The following C12orf42 variants were observed in gnomAD, a reference collection of about 807,000 sequenced individuals.
The protein encoded by C12orf42 is uncharacterized protein C12orf42.
A neutral mutation model predicts 21.6 loss-of-function variants in C12orf42; 25 were observed. The ratio of observed to expected loss-of-function variants is 1.16; its 90% CI spans 0.84 to 1.62. The LOEUF (loss-of-function observed/expected upper bound fraction) is 1.62, where lower values mean the gene tolerates loss of function less well. Among genes scored for constraint, C12orf42 ranks in the 40% most tolerant of loss-of-function variants. The pLI, the probability that C12orf42 is intolerant of heterozygous loss-of-function variation, is 0.00. For synonymous variants in C12orf42, 174 were observed against 175.0 expected, an observed-to-expected ratio of 0.99 and a Z score of 0.05; for missense variants, 483 against 459.3, an observed-to-expected ratio of 1.05 and a Z score of -0.47.
At chr12:103,369,092 A>C in intron 3 of C12orf42, 94 bp from the exon 4 acceptor site, 1 of 554,260 alleles carries the variant, frequency 1.8e-6, no homozygotes, top group Non-Finnish European at 3.2e-6. Flanking sequence ...CCCTAAAGTG[A>C]GTGACATTTT....
At chr12:103,340,697 A>G (rs1053886878) in intron 4 of C12orf42, among the ~76,000 whole-genome samples, 2 of 152,194 alleles carry the variant, frequency 1.3e-5, no homozygotes, top group African/African-American at 4.8e-5. Flanking sequence ...TTAAGTAGAG[A>G]CAGAAAGACC....
the C12orf42 span, among the ~76,000 whole-genome samples, chr12:103,069,272 T>A: frequency 6.6e-6 from 1 of 151,872 alleles, no homozygotes; most frequent in South Asian, 2.1e-4. Flanking sequence ...GCAATATATT[T>A]CCTTGGATAT....
chr12:103,330,123 T>G (rs1352432222), intron 4 of C12orf42, among the ~76,000 whole-genome samples: 3 of 152,122 alleles, frequency 2.0e-5, no homozygotes, highest in African/African-American at 7.2e-5. Flanking sequence ...TCACATAATT[T>G]TATAATATCT....
downstream of C12orf42, chr12:103,268,275 G>A (rs890416399): frequency 1.3e-5 from 2 of 151,812 alleles, no homozygotes; most frequent in Non-Finnish European, 2.9e-5. Context: ...TAGATCATGA[G>A]CATCCTGAAG....
chr12:103,502,209 C>T, the C12orf42 span, among the ~76,000 whole-genome samples: 2 of 152,176 alleles, frequency 1.3e-5, no homozygotes, highest in African/African-American at 4.8e-5. Flanking sequence ...AAACACTCCA[C>T]CCTCCACCCC....
chr12:103,147,493 C>CTTTTTTTTTT, the C12orf42 span, among the ~76,000 whole-genome samples: 1 of 84,990 alleles, frequency 1.2e-5, no homozygotes, highest in African/African-American at 5.4e-5. Flanking sequence ...TTCTTTTTTT[C>CTTTTTTTTTT]TTTTTTTTTC....
At chr12:103,414,438 G>C (rs140955499) in intron 2 of C12orf42, among the ~76,000 whole-genome samples, 30 of 152,120 alleles carry the variant, frequency 2.0e-4, no homozygotes, top group African/African-American at 7.0e-4. Flanking sequence ...GAATAACATT[G>C]GTAGTTTGAT....
intron 4 of C12orf42, among the ~76,000 whole-genome samples, chr12:103,310,693 C>T (rs1593376125): frequency 6.6e-6 from 1 of 152,202 alleles, no homozygotes; most frequent in African/African-American, 2.4e-5. Flanking sequence ...ACCCTGTGTG[C>T]AAGCACATTT....
chr12:103,140,079 G>A, the C12orf42 span, among the ~76,000 whole-genome samples: 1 of 152,176 alleles, frequency 6.6e-6, no homozygotes, highest in Non-Finnish European at 1.5e-5. Context: ...CAGGGCCTCA[G>A]GAATCAAATC....
At chr12:103,405,216 G>A (rs2048332953) in intron 2 of C12orf42, among the ~76,000 whole-genome samples, 1 of 152,174 alleles carries the variant, frequency 6.6e-6, no homozygotes, top group Non-Finnish European at 1.5e-5. Flanking sequence ...CTGAACTGGT[G>A]ATAAAACAAA....
At chr12:103,298,023 C>G (rs930326763), downstream of C12orf42, among the ~76,000 whole-genome samples, 12 of 151,836 alleles carry the variant, frequency 7.9e-5, no homozygotes, top group African/African-American at 2.7e-4. Flanking sequence ...AAACTGGAAG[C>G]ATTCCCTTTG....
At chr12:103,064,664 C>T in the C12orf42 span, among the ~76,000 whole-genome samples, 1 of 152,244 alleles carries the variant, frequency 6.6e-6, no homozygotes. Context: ...CCCCACTACA[C>T]TGCCAACAAT....
At chr12:103,079,950 G>A in the C12orf42 span, among the ~76,000 whole-genome samples, 1 of 152,182 alleles carries the variant, frequency 6.6e-6, no homozygotes, top group Non-Finnish European at 1.5e-5. Context: ...TAAGAATATA[G>A]TCTATTCCAT....
chr12:103,315,239 A>G (rs910350042), intron 4 of C12orf42, among the ~76,000 whole-genome samples: 3 of 152,204 alleles, frequency 2.0e-5, no homozygotes, highest in African/African-American at 7.2e-5. Flanking sequence ...CAAAGCAAGC[A>G]TAAGAACCAA....
At chr12:103,069,572 GT>G in the C12orf42 span, among the ~76,000 whole-genome samples, 2 of 152,068 alleles carry the variant, frequency 1.3e-5, no homozygotes, top group Non-Finnish European at 2.9e-5. Flanking sequence ...GAGCAAAATG[GT>G]TTTATGGATA....
the C12orf42 span, among the ~76,000 whole-genome samples, chr12:103,057,104 T>C: frequency 1.3e-5 from 2 of 152,170 alleles, no homozygotes; most frequent in African/African-American, 4.8e-5. Context: ...TCTGAGACTC[T>C]GCACTCATGT....
the C12orf42 span, among the ~76,000 whole-genome samples, chr12:103,214,547 G>T: frequency 0.019 from 2,909 of 151,930 alleles, 35 homozygotes; most frequent in East Asian, 0.028. Context: ...CAAAAGACGG[G>T]CCAACAAGCT....
At chr12:103,397,131 T>C (rs938567383) in intron 3 of C12orf42, among the ~76,000 whole-genome samples, 1 of 152,266 alleles carries the variant, frequency 6.6e-6, no homozygotes, top group African/African-American at 2.4e-5. Flanking sequence ...TATAACTTGA[T>C]ACTTTCATTC....
At chr12:103,482,938 T>C (rs1954574556) in intron 1 of C12orf42, among the ~76,000 whole-genome samples, 1 of 152,186 alleles carries the variant, frequency 6.6e-6, no homozygotes, top group Non-Finnish European at 1.5e-5. Flanking sequence ...TTTCTATAAG[T>C]TTATTTTTAC....
Sources: allele counts gnomAD v4.1 joint callset (sites outside exome capture counted in the v4.1 genomes callset), GRCh38; gene constraint gnomAD v4.1.1; transcripts MANE v1.5; gene names NCBI Gene and HGNC (gene_info 2026-07-23, HGNC 2026-07-21).